STEAP2: variants seen among roughly 807,000 people sequenced by gnomAD.
STEAP2 encodes the protein STEAP2 metalloreductase.
STEAP2 carries 30 observed loss-of-function variants against 46.4 expected under a neutral mutation model. The ratio of observed to expected loss-of-function variants is 0.65; its 90% CI spans 0.48 to 0.88. The LOEUF (loss-of-function observed/expected upper bound fraction) is 0.88. Among genes scored for constraint, STEAP2 ranks in the 40% least tolerant of loss-of-function variants. The pLI is 0.00. For synonymous variants in STEAP2, 180 were observed against 200.5 expected, an observed-to-expected ratio of 0.90 and a Z score of 0.86; for missense variants, 513 against 579.3, an observed-to-expected ratio of 0.89 and a Z score of 1.18.
Position 90,232,158 on chromosome 7 carries a change from A to G in STEAP2, c.1186-179A>G, listed in dbSNP as rs540807818. On this transcript the variant is annotated intron_variant, in intron 5 of 5. Coordinates refer to ENST00000394621, the MANE Select transcript of STEAP2 (RefSeq NM_001244944.2). ...GTGTGCATATAAATAATACATATAT[A>G]TGCATATATAAAAATATTAATATTA... Among the ~76,000 whole-genome samples the G allele has an allele frequency of 2.6e-5, 4 of 152,010 alleles. No individual in the cohort carries two copies. In the South Asian group the frequency reaches 8.3e-4, roughly 31 times the overall value.
intron 1 of STEAP2, among the ~76,000 whole-genome samples, chr7:90,213,429 T>A (rs1794895638): frequency 6.6e-6 from 1 of 152,116 alleles, no homozygotes; most frequent in Non-Finnish European, 1.5e-5. Context: ...ACTGCAGGCG[T>A]GATAAAGGAC....
At chr7:90,226,874 A>G (rs1186430128) in intron 3 of STEAP2, 97 bp from the exon 4 acceptor site, 1 of 1,190,958 alleles carries the variant, frequency 8.4e-7, no homozygotes, top group Non-Finnish European at 1.2e-6. Flanking sequence ...TTATTCCTCA[A>G]GGTCATCACA....
Position 90,232,738 on chromosome 7 carries a change from A to G in STEAP2, c.*114A>G. 1.4e-6 allele frequency: 2 copies of G among 1,385,084 alleles called. No homozygotes were observed. The highest frequency in any genetic ancestry group is 1.9e-6 in the Non-Finnish European group (2 of 1,068,368). The allele number at this position is 1,385,084 out of a possible 1,614,324, so 85.8% of individuals were successfully genotyped here. ...AATTATCGTGGGTTGAAACTTGTTA[A>G]ATGAGATTTCAACTGACTTAGTGAT... On this transcript the variant is annotated 3_prime_UTR_variant, in exon 6 of 6. Coordinates refer to ENST00000394621, the MANE Select transcript of STEAP2 (RefSeq NM_001244944.2).
intron 5 of STEAP2, among the ~76,000 whole-genome samples, chr7:90,231,013 T>C (rs1795718378): frequency 6.6e-6 from 1 of 151,976 alleles, no homozygotes; most frequent in Non-Finnish European, 1.5e-5. Context: ...ATTATCATTA[T>C]AAATTTAGAT....
In STEAP2 at chr7:90,234,446, T is replaced by G. The variant is rs1795881632; in HGVS notation, c.*1822T>G. 1 of 985,104 alleles carries G rather than the reference T, an allele frequency of 1.0e-6. No individual in the cohort carries two copies. Among genetic ancestry groups the G allele is most frequent in the Admixed American group, 6.2e-5 (1 of 16,256 alleles). The allele number at this position is 985,104 out of a possible 1,614,324, so 61.0% of individuals were successfully genotyped here. A position where few individuals can be genotyped will look rare whatever the true frequency, so the allele number is the denominator to read the frequency against. On this transcript the variant is annotated 3_prime_UTR_variant, in exon 6 of 6. Transcript: ENST00000394621. ...GACTTTTATTTAGTAGAGGCTACCT[T>G]TCCCACCAGTGACTCTTTTTCTACA...
At chr7:90,226,949 A>T (rs180947927) in intron 3 of STEAP2, 22 bp from the exon 4 acceptor site, 149 of 1,542,636 alleles carry the variant, frequency 9.7e-5, no homozygotes, top group Non-Finnish European at 1.2e-4. Context: ...GGTAATGCTG[A>T]GTCTTTTTGT....
At position 90,225,067 on chromosome 7, in the gene STEAP2, TG is replaced by T. The variant is rs761524885; in HGVS notation, c.-14del. 2.5e-6 allele frequency: 4 copies of T among 1,607,566 alleles called. No homozygotes were observed. Among genetic ancestry groups the T allele is most frequent in the Non-Finnish European group, 3.4e-6 (4 of 1,176,902 alleles). On this transcript the variant is annotated 5_prime_UTR_variant, in exon 3 of 6. Transcript: ENST00000394621. ...TCCCCTAGGATATTCTTGGTGATCT[TG>T]GAAGTGTCCGTATCATGGAATCAAT...
chr7:90,213,172 T>C (rs1167896461), intron 1 of STEAP2, among the ~76,000 whole-genome samples: 1 of 152,214 alleles, frequency 6.6e-6, no homozygotes, highest in Non-Finnish European at 1.5e-5. Flanking sequence ...CTAGTCACTC[T>C]GTCAGGGTAT....
chr7:90,236,190 C>T lies in STEAP2; in HGVS notation c.*3566C>T. 7.8e-6 allele frequency: 6 copies of T among 768,944 alleles called. No homozygotes were observed. The highest frequency in any genetic ancestry group is 9.5e-6 in the Non-Finnish European group (6 of 634,132). The allele number at this position is 768,944 out of a possible 1,614,324, so 47.6% of individuals were successfully genotyped here. A position where few individuals can be genotyped will look rare whatever the true frequency, so the allele number is the denominator to read the frequency against. ...CATAATAAATTCTGTACAGTTTCCCCCCAAAAAAGAGATTTATTTATGAAA... is the reference window on the plus strand; with the variant it reads ...CATAATAAATTCTGTACAGTTTCCCTCCAAAAAAGAGATTTATTTATGAAA... On this transcript the variant is annotated 3_prime_UTR_variant, in exon 6 of 6. Coordinates refer to ENST00000394621, the MANE Select transcript of STEAP2 (RefSeq NM_001244944.2).
chr7:90,225,559 G>T lies in STEAP2; in HGVS notation c.477G>T (p.Lys159Asn). 1.3e-6 allele frequency: 2 copies of T among 1,595,114 alleles called. No homozygotes were observed. The highest frequency in any genetic ancestry group is 1.1e-5 in the South Asian group (1 of 87,430). ...VSAWALQLGP[K>N]DASRQVYICS... ...CTTGGGCACTTCAGTTAGGACCTAAGGATGCCAGCCGGCAGGTATGTATTT... is the reference window on the plus strand; with the variant it reads ...CTTGGGCACTTCAGTTAGGACCTAATGATGCCAGCCGGCAGGTATGTATTT... The change falls in exon 3 of 6, where the codon AAG becomes AAT. Residue 159 changes from lysine (K) to asparagine (N), a missense_variant. Coordinates refer to ENST00000394621, the MANE Select transcript of STEAP2 (RefSeq NM_001244944.2).
Position 90,227,208 on chromosome 7 carries a change from C to A in STEAP2, c.730C>A (p.Gln244Lys), listed in dbSNP as rs749141030. 1.9e-6 allele frequency: 3 copies of A among 1,613,802 alleles called. No individual in the cohort carries two copies. The highest frequency in any genetic ancestry group is 1.7e-6 in the Non-Finnish European group (2 of 1,179,834). ...DVIHPYARNQ[Q>K]SDFYKIPIEI... The stretch of plus-strand genomic sequence containing the variant: ...GATTCATCCATATGCTAGAAACCAA[C>A]AGAGTGACTTTTACAAAATTCCTAT... Residue 244 changes from glutamine (Q) to lysine (K), a missense_variant, in exon 4 of 6, where the codon CAG becomes AAG. Gln to Lys is a moderately conservative substitution (Grantham distance 53). Transcript: ENST00000394621.
intron 2 of STEAP2, among the ~76,000 whole-genome samples, chr7:90,224,751 T>C (rs1191195221): frequency 6.6e-6 from 1 of 152,310 alleles, no homozygotes; most frequent in South Asian, 2.1e-4. Flanking sequence ...AGAATCTACA[T>C]TTTAACGAGA....
rs1328284354 is a variant in STEAP2, at chr7:90,237,509, ACT to A, written c.*4888_*4889del. ...AACTGTGTAATTGGTAATTACTAAAACTCTGTAATCTCCAAAATATTGCTATC... is the reference window on the plus strand; with the variant it reads ...AACTGTGTAATTGGTAATTACTAAAACTGTAATCTCCAAAATATTGCTATC... On this transcript the variant is annotated 3_prime_UTR_variant, in exon 6 of 6. Coordinates refer to ENST00000394621, the MANE Select transcript of STEAP2 (RefSeq NM_001244944.2). 4 of 153,126 alleles carry A rather than the reference ACT, an allele frequency of 2.6e-5. No homozygotes were observed. In the East Asian group the frequency reaches 7.7e-4, roughly 29 times the overall value. 9.5% of individuals were successfully genotyped at this position (153,126 alleles called of 1,614,324 possible). A position where few individuals can be genotyped will look rare whatever the true frequency, so the allele number is the denominator to read the frequency against.
intron 2 of STEAP2, 68 bp from the exon 3 acceptor site, chr7:90,224,982 C>T: frequency 7.5e-7 from 1 of 1,327,716 alleles, no homozygotes; most frequent in Non-Finnish European, 1.0e-6. Context: ...CAGGACATTA[C>T]AATGTCTAGA....
At chr7:90,226,617 A>T (rs1037276883) in intron 3 of STEAP2, among the ~76,000 whole-genome samples, 1 of 152,184 alleles carries the variant, frequency 6.6e-6, no homozygotes, top group Non-Finnish European at 1.5e-5. Flanking sequence ...AAATATTTCT[A>T]TGTGGTCTAT....
Position 90,225,524 on chromosome 7 carries a change from G to A in STEAP2, c.442G>A (p.Val148Ile). 1 of 1,613,296 alleles carries A rather than the reference G, an allele frequency of 6.2e-7. No homozygotes were observed. Among genetic ancestry groups the A allele is most frequent in the Non-Finnish European group, 8.5e-7 (1 of 1,179,666 alleles). The change falls in exon 3 of 6, where the codon GTT (valine) becomes ATT (isoleucine). Residue 148 changes from valine (V) to isoleucine (I), a missense_variant. Transcript: ENST00000394621. ...PDSLIVKGFNVVSAWALQLGP... is the reference protein window; with the variant it reads ...PDSLIVKGFNIVSAWALQLGP... ...TTCTTTGATTGTCAAAGGATTTAAT[G>A]TTGTCTCAGCTTGGGCACTTCAGTT...
At position 90,233,265 on chromosome 7, in the gene STEAP2, T is replaced by G; in HGVS notation, c.*641T>G. The G allele has an allele frequency of 1.1e-6, 1 of 939,228 alleles. No homozygotes were observed. Among genetic ancestry groups the G allele is most frequent in the Non-Finnish European group, 1.3e-6 (1 of 788,044 alleles). 58.2% of individuals were successfully genotyped at this position (939,228 alleles called of 1,614,324 possible). ...TATATTTGAGACATGAAATACATAC[T>G]GATAATACATACCTCATGAAAGATT... On this transcript the variant is annotated 3_prime_UTR_variant, in exon 6 of 6. Transcript: ENST00000394621.
Position 90,236,069 on chromosome 7 carries a change from A to G in STEAP2, c.*3445A>G. On this transcript the variant is annotated 3_prime_UTR_variant, in exon 6 of 6. Coordinates refer to ENST00000394621, the MANE Select transcript of STEAP2 (RefSeq NM_001244944.2). Reference sequence around the variant, plus strand: ...AAATTATAGAAATTACTTGTGTAAAAGGGCTTCAAGAATATATCCAATTTT... The same window carrying G: ...AAATTATAGAAATTACTTGTGTAAAGGGGCTTCAAGAATATATCCAATTTT... 1 of 725,864 alleles carries G rather than the reference A, an allele frequency of 1.4e-6. No homozygotes were observed. The highest frequency in any genetic ancestry group is 1.3e-4 in the East Asian group (1 of 7,534). The allele number at this position is 725,864 out of a possible 1,614,324, so 45.0% of individuals were successfully genotyped here. A position where few individuals can be genotyped will look rare whatever the true frequency, so the allele number is the denominator to read the frequency against.
In STEAP2 at chr7:90,225,197, G is replaced by A; in HGVS notation, c.115G>A (p.Gly39Arg). The A allele has an allele frequency of 1.2e-6, 2 of 1,613,972 alleles. No individual in the cohort carries two copies. Among genetic ancestry groups the A allele is most frequent in the South Asian group, 2.2e-5 (2 of 91,078 alleles). ...RKVTVGVIGS[G>R]DFAKSLTIRL... Reference sequence around the variant, plus strand: ...GGTCACTGTAGGTGTGATTGGAAGTGGAGATTTTGCCAAATCCTTGACCAT... The same window carrying A: ...GGTCACTGTAGGTGTGATTGGAAGTAGAGATTTTGCCAAATCCTTGACCAT... The change falls in exon 3 of 6, where the codon GGA (glycine) becomes AGA (arginine). Residue 39 changes from glycine to arginine, a missense_variant. Transcript: ENST00000394621.
Sources: gnomAD v4.1 joint callset for allele counts (sites outside exome capture counted in the v4.1 genomes callset) on GRCh38, gnomAD v4.1.1 for gene constraint, MANE v1.5 for transcripts, NCBI Gene and HGNC (gene_info 2026-07-23, HGNC 2026-07-21) for gene names.